The following CELF1 variants were observed in gnomAD, a reference collection of about 807,000 sequenced individuals.
The protein encoded by CELF1 is 50 kDa nuclear polyadenylated RNA-binding protein.
In CELF1, 10 loss-of-function variants were observed where a neutral mutation model predicts 61.8. That is an observed-to-expected ratio of 0.16 (90% CI 0.10 to 0.27). The LOEUF is 0.27. Ranked by LOEUF, CELF1 falls within the 10% of genes least tolerant of loss-of-function variation. The pLI is 1.00. For synonymous variants in CELF1, 236 were observed against 225.1 expected, an observed-to-expected ratio of 1.05 and a Z score of -0.43; for missense variants, 380 against 639.1, an observed-to-expected ratio of 0.59 and a Z score of 4.37.
rs780353312 is a variant in CELF1 at position 47,486,737 on chromosome 11, T to C, written c.391+13A>G. 1.2e-6 allele frequency: 2 copies of C among 1,608,924 alleles called. No homozygotes were observed. The highest frequency in any genetic ancestry group is 2.2e-5 in the East Asian group (1 of 44,864). ...CAGAAATCTTAAGGGGAAGATTGTATACATTTGCTTACCATTGTTCTTCTC... is the reference window on the plus strand; with the variant it reads ...CAGAAATCTTAAGGGGAAGATTGTACACATTTGCTTACCATTGTTCTTCTC... On this transcript the variant is annotated intron_variant, in intron 6 of 14. Transcript: ENST00000687097.
At chr11:47,536,480 C>T (rs2096632660) in intron 1 of CELF1, among the ~76,000 whole-genome samples, 1 of 151,972 alleles carries the variant, frequency 6.6e-6, no homozygotes, top group South Asian at 2.1e-4. Flanking sequence ...ATTTGTAGGC[C>T]GGGTGTGGTG....
At chr11:47,487,799 G>A (rs2088468709) in intron 4 of CELF1, among the ~76,000 whole-genome samples, 1 of 152,118 alleles carries the variant, frequency 6.6e-6, no homozygotes, top group Non-Finnish European at 1.5e-5. Flanking sequence ...ATATAATTAA[G>A]CTTCTAAAAG....
chr11:47,544,334 G>A (rs1296819690), intron 1 of CELF1, among the ~76,000 whole-genome samples: 3 of 152,154 alleles, frequency 2.0e-5, no homozygotes, highest in Non-Finnish European at 4.4e-5. Flanking sequence ...TATCAATACT[G>A]TATCAGGCAC....
intron 12 of CELF1, among the ~76,000 whole-genome samples, chr11:47,476,570 C>T (rs976916298): frequency 6.6e-6 from 1 of 152,138 alleles, no homozygotes; most frequent in South Asian, 2.1e-4. Context: ...GGACTACAGG[C>T]GCCCGCCACC....
At chr11:47,487,293 T>C in intron 4 of CELF1, 52 bp from the exon 5 acceptor site, 1 of 1,398,462 alleles carries the variant, frequency 7.2e-7, no homozygotes, top group Non-Finnish European at 1.0e-6. Flanking sequence ...AGAGAATTCC[T>C]AGAGCAATCC....
At chr11:47,551,754 T>A (rs1403930452) in intron 1 of CELF1, among the ~76,000 whole-genome samples, 1 of 152,198 alleles carries the variant, frequency 6.6e-6, no homozygotes, top group East Asian at 1.9e-4. Flanking sequence ...GGCTCACGCC[T>A]GTAATCCCCA....
intron 1 of CELF1, among the ~76,000 whole-genome samples, chr11:47,564,823 T>A (rs2097239676): frequency 6.6e-6 from 1 of 152,216 alleles, no homozygotes; most frequent in Non-Finnish European, 1.5e-5. Flanking sequence ...ATAGCTGGCA[T>A]TACAACCATT....
chr11:47,562,148 C>T (rs1030115614), intron 2 of CELF1, among the ~76,000 whole-genome samples: 1 of 151,008 alleles, frequency 6.6e-6, no homozygotes, highest in Non-Finnish European at 1.5e-5. Flanking sequence ...ATTGCTTGAA[C>T]CTGAGAGGCG....
intron 11 of CELF1, 82 bp from the exon 12 acceptor site, chr11:47,477,041 T>TGC (rs1241219807): frequency 8.2e-7 from 1 of 1,225,814 alleles, no homozygotes; most frequent in Non-Finnish European, 1.2e-6. Flanking sequence ...TATCCAAGTA[T>TGC]GCTATTTGTA....
At chr11:47,541,384 G>A (rs1224166471) in intron 1 of CELF1, among the ~76,000 whole-genome samples, 2 of 152,094 alleles carry the variant, frequency 1.3e-5, no homozygotes, top group African/African-American at 4.8e-5. Flanking sequence ...GAGTAGCAAT[G>A]TTACTATGAA....
intron 1 of CELF1, among the ~76,000 whole-genome samples, chr11:47,520,623 C>A (rs970672543): frequency 2.6e-5 from 4 of 151,984 alleles, no homozygotes; most frequent in Admixed American, 1.3e-4. Context: ...GCCTGGGCAA[C>A]ATGGCAAAAC....
chr11:47,546,667 T>C (rs748147982), intron 1 of CELF1, among the ~76,000 whole-genome samples: 7 of 152,150 alleles, frequency 4.6e-5, no homozygotes, highest in Non-Finnish European at 8.8e-5. Flanking sequence ...TACCTAGAAA[T>C]TGGTCCACCT....
At chr11:47,532,634 A>G (rs2096517065) in intron 1 of CELF1, among the ~76,000 whole-genome samples, 1 of 152,218 alleles carries the variant, frequency 6.6e-6, no homozygotes, top group Non-Finnish European at 1.5e-5. Flanking sequence ...CAGTGCTGGG[A>G]AAATTCCTGC....
At chr11:47,496,586 G>C (rs2093138098) in intron 3 of CELF1, among the ~76,000 whole-genome samples, 1 of 152,208 alleles carries the variant, frequency 6.6e-6, no homozygotes, top group South Asian at 2.1e-4. Flanking sequence ...TTTATTTGGA[G>C]GAGGGGGAGG....
At position 47,482,842 on chromosome 11, in the gene CELF1, G is replaced by T; in HGVS notation, c.621C>A (p.Pro207=). The change falls in exon 9 of 15, where the codon CCC becomes CCA. Residue 207 remains proline (P), a synonymous_variant. Coordinates refer to ENST00000687097, the MANE Select transcript of CELF1 (RefSeq NM_001376376.1). ...QAQTMEGCSS[P]MVVKFADTQK... ...GTGTATCAGCAAATTTTACCACCATGGGTGATGAGCAACCCTGTGAAAAGA... is the reference window on the plus strand; with the variant it reads ...GTGTATCAGCAAATTTTACCACCATTGGTGATGAGCAACCCTGTGAAAAGA... 6.2e-7 allele frequency: 1 copy of T among 1,614,020 alleles called. No individual in the cohort carries two copies. The highest frequency in any genetic ancestry group is 1.1e-5 in the South Asian group (1 of 91,062).
chr11:47,505,317 T>C (rs1450439806), intron 1 of CELF1, among the ~76,000 whole-genome samples: 2 of 151,258 alleles, frequency 1.3e-5, no homozygotes, highest in African/African-American at 4.8e-5. Context: ...ACACTTTATT[T>C]AAGCTCCAGT....
chr11:47,552,449 G>C (rs775029413), intron 1 of CELF1, among the ~76,000 whole-genome samples: 1 of 152,230 alleles, frequency 6.6e-6, no homozygotes, highest in African/African-American at 2.4e-5. Context: ...CACCTGATGT[G>C]GGGGGAGGGC....
intron 1 of CELF1, among the ~76,000 whole-genome samples, chr11:47,550,870 T>A (rs2097121626): frequency 6.6e-6 from 1 of 152,106 alleles, no homozygotes; most frequent in African/African-American, 2.4e-5. Context: ...ATTTTGCAGG[T>A]GCGAATAAAC....
chr11:47,541,584 G>C (rs574296001), intron 1 of CELF1, among the ~76,000 whole-genome samples: 88 of 151,542 alleles, frequency 5.8e-4, no homozygotes, highest in African/African-American at 2.1e-3. Flanking sequence ...CAGCAACTTG[G>C]GAGGCTGAGG....
Sources: allele counts gnomAD v4.1 joint callset (sites outside exome capture counted in the v4.1 genomes callset), GRCh38; gene constraint gnomAD v4.1.1; transcripts MANE v1.5; gene names NCBI Gene and HGNC (gene_info 2026-07-23, HGNC 2026-07-21).